Variants in SAMD12 observed in about 807,000 individuals in gnomAD.
SAMD12 encodes sterile alpha motif domain containing 12, also known as sterile alpha motif domain-containing protein 12.
Under a neutral mutation model 15.0 loss-of-function variants are expected in SAMD12, and 9 were observed. That is an observed-to-expected ratio of 0.60 (90% CI 0.36 to 1.05). The LOEUF (loss-of-function observed/expected upper bound fraction) is 1.05, where lower values mean the gene tolerates loss of function less well. SAMD12 is among the 50% of genes least tolerant of loss of function. The pLI, the probability that SAMD12 is intolerant of heterozygous loss-of-function variation, is 0.01. For missense variants in SAMD12, 230 were observed against 234.2 expected (o/e 0.98, Z 0.12); for synonymous variants, 86 against 90.1 (o/e 0.96, Z 0.25).
the SAMD12 span, among the ~76,000 whole-genome samples, chr8:118,159,850 G>C: frequency 6.6e-6 from 1 of 151,804 alleles, no homozygotes; most frequent in African/African-American, 2.4e-5. Context: ...CTCCCAAGTA[G>C]CTGGGATTAC....
At chr8:118,608,080 C>G (rs923428133) in intron 1 of SAMD12, among the ~76,000 whole-genome samples, 1 of 152,194 alleles carries the variant, frequency 6.6e-6, no homozygotes, top group Non-Finnish European at 1.5e-5. Context: ...CTTGCTATAA[C>G]TATTTATCCC....
At chr8:118,575,044 T>C (rs1287631435) in intron 2 of SAMD12, among the ~76,000 whole-genome samples, 1 of 152,166 alleles carries the variant, frequency 6.6e-6, no homozygotes, top group African/African-American at 2.4e-5. Flanking sequence ...AATCCCAGAT[T>C]AATGGTTCCT....
intron 2 of SAMD12, among the ~76,000 whole-genome samples, chr8:118,490,656 A>C (rs781244719): frequency 6.6e-6 from 1 of 152,106 alleles, no homozygotes; most frequent in Non-Finnish European, 1.5e-5. Flanking sequence ...ATGAAGTCCA[A>C]AGGATCTGAT....
At chr8:118,281,557 A>G (rs1426326773) in intron 4 of SAMD12, among the ~76,000 whole-genome samples, 2 of 152,266 alleles carry the variant, frequency 1.3e-5, no homozygotes, top group African/African-American at 4.8e-5. Context: ...TTTGGCATAA[A>G]GTGACAATCC....
intron 2 of SAMD12, among the ~76,000 whole-genome samples, chr8:118,572,112 T>C (rs1045043442): frequency 6.6e-5 from 10 of 152,248 alleles, no homozygotes; most frequent in African/African-American, 2.4e-4. Context: ...GGATGTGAGA[T>C]ATGGAGTCAA....
chr8:118,434,456 C>T (rs1197325182), intron 3 of SAMD12, among the ~76,000 whole-genome samples: 1 of 152,218 alleles, frequency 6.6e-6, no homozygotes, highest in Non-Finnish European at 1.5e-5. Context: ...GCTCTGAGTG[C>T]TTCACCTCTG....
At chr8:118,249,490 G>A (rs1812771630) in intron 4 of SAMD12, among the ~76,000 whole-genome samples, 1 of 152,104 alleles carries the variant, frequency 6.6e-6, no homozygotes, top group African/African-American at 2.4e-5. Context: ...TTGATTCATG[G>A]TTGGTTGAAT....
At chr8:118,279,997 C>T (rs529433822) in intron 4 of SAMD12, among the ~76,000 whole-genome samples, 2 of 152,216 alleles carry the variant, frequency 1.3e-5, no homozygotes, top group Non-Finnish European at 2.9e-5. Flanking sequence ...AAGAACACTA[C>T]TGAGATTCAG....
intron 4 of SAMD12, among the ~76,000 whole-genome samples, chr8:118,211,158 C>T (rs1213370273): frequency 2.0e-5 from 3 of 152,180 alleles, no homozygotes; most frequent in Admixed American, 6.5e-5. Flanking sequence ...CTGCCCAAGC[C>T]TTATCCCCCC....
At chr8:118,436,862 T>C (rs574935768) in intron 3 of SAMD12, among the ~76,000 whole-genome samples, 1 of 152,346 alleles carries the variant, frequency 6.6e-6, no homozygotes, top group South Asian at 2.1e-4. Context: ...TCACTGTGAC[T>C]GTGTACCACC....
chr8:118,245,258 T>A (rs1424441513), intron 4 of SAMD12, among the ~76,000 whole-genome samples: 1 of 152,134 alleles, frequency 6.6e-6, no homozygotes, highest in African/African-American at 2.4e-5. Context: ...CGAGTTTCTG[T>A]GATTAGACAC....
chr8:118,166,144 T>C, the SAMD12 span, among the ~76,000 whole-genome samples: 1 of 152,252 alleles, frequency 6.6e-6, no homozygotes, highest in Non-Finnish European at 1.5e-5. Context: ...TAGTTACTTG[T>C]AATGATTGAC....
chr8:118,149,697 A>G, the SAMD12 span, among the ~76,000 whole-genome samples: 1 of 152,090 alleles, frequency 6.6e-6, no homozygotes, highest in African/African-American at 2.4e-5. Flanking sequence ...TAGAGTTTTT[A>G]TAGTTTTAAG....
intron 2 of SAMD12, among the ~76,000 whole-genome samples, chr8:118,573,923 T>TA (rs543457550): frequency 4.0e-4 from 61 of 152,334 alleles, no homozygotes; most frequent in African/African-American, 1.2e-3. Context: ...CAAGACAGAC[T>TA]AGATCATCGC....
chr8:118,474,898 ATGAG>A (rs893182733), intron 2 of SAMD12, among the ~76,000 whole-genome samples: 1 of 152,126 alleles, frequency 6.6e-6, no homozygotes, highest in Non-Finnish European at 1.5e-5. Context: ...CTTTGCAGTA[ATGAG>A]TGAGTTCTCA....
At chr8:118,326,616 C>T (rs556580371) in intron 4 of SAMD12, among the ~76,000 whole-genome samples, 2 of 152,166 alleles carry the variant, frequency 1.3e-5, no homozygotes, top group South Asian at 2.1e-4. Context: ...CTCCCTCTAG[C>T]CCCCCAACTA....
chr8:118,278,858 G>GTTGGC (rs1813535582), intron 4 of SAMD12, among the ~76,000 whole-genome samples: 1 of 152,166 alleles, frequency 6.6e-6, no homozygotes, highest in Admixed American at 6.5e-5. Context: ...TCCATTACAC[G>GTTGGC]TAGCCATGCG....
the SAMD12 span, among the ~76,000 whole-genome samples, chr8:118,181,438 G>C: frequency 6.6e-6 from 1 of 152,134 alleles, no homozygotes; most frequent in Non-Finnish European, 1.5e-5. Flanking sequence ...TCAATCTGGG[G>C]ATCCACTTTC....
chr8:118,303,326 C>T (rs1311525961), intron 4 of SAMD12, among the ~76,000 whole-genome samples: 3 of 152,154 alleles, frequency 2.0e-5, no homozygotes, highest in Non-Finnish European at 4.4e-5. Flanking sequence ...CTGCCAAAGT[C>T]ATAAGCATTA....
Sources: allele counts gnomAD v4.1 joint callset (sites outside exome capture counted in the v4.1 genomes callset), GRCh38; gene constraint gnomAD v4.1.1; transcripts MANE v1.5; gene names NCBI Gene and HGNC (gene_info 2026-07-23, HGNC 2026-07-21).